Variants in IFT46 observed in about 807,000 individuals in gnomAD.
IFT46 encodes intraflagellar transport 46.
IFT46 carries 19 observed loss-of-function variants against 39.6 expected under a neutral mutation model. The ratio of observed to expected loss-of-function variants is 0.48; its 90% CI spans 0.33 to 0.70. The LOEUF (loss-of-function observed/expected upper bound fraction) is 0.70. Ranked by LOEUF, IFT46 falls within the 30% of genes least tolerant of loss-of-function variation. IFT46 has a pLI of 0.01. For missense variants in IFT46, 334 were observed against 364.8 expected (o/e 0.92, Z 0.69); for synonymous variants, 117 against 134.8 (o/e 0.87, Z 0.91).
At chr11:118,574,997 C>T (rs554691162), upstream of IFT46, among the ~76,000 whole-genome samples, 36 of 151,934 alleles carry the variant, frequency 2.4e-4, no homozygotes, top group African/African-American at 8.2e-4. Flanking sequence ...GTTTGGTTTT[C>T]GAGACGGATT....
rs781838600 is a variant in IFT46 at position 118,545,472 on chromosome 11, G to A, written c.756C>T (p.Tyr252=). The change falls in exon 11 of 12, where the codon TAC becomes TAT. Residue 252 remains tyrosine (Y), a synonymous_variant. Transcript: ENST00000264021. ...GATGGAGGGACTGGATCCGACTCTT[G>A]TAGACAGGGATGTCTAGAATGGCTG... The part of the protein sequence containing the change: ...MICAILDIPV[Y]KSRIQSLHLL... 5 of 1,613,346 alleles carry A rather than the reference G, an allele frequency of 3.1e-6. No homozygotes were observed. In the East Asian group the frequency reaches 6.7e-5, roughly 22 times the overall value.
At chr11:118,566,960 C>T (rs1162501498), upstream of IFT46, among the ~76,000 whole-genome samples, 2 of 151,994 alleles carry the variant, frequency 1.3e-5, no homozygotes, top group East Asian at 1.9e-4. Flanking sequence ...AGGCCAGGTG[C>T]GGTGGCTCAC....
Position 118,555,233 on chromosome 11 carries a change from G to A in IFT46, c.260+15C>T. The A allele has an allele frequency of 6.2e-7, 1 of 1,605,164 alleles. No homozygotes were observed. The highest frequency in any genetic ancestry group is 1.3e-5 in the African/African-American group (1 of 74,880). ...GTAGGGATAGTGGGGTATGGTGGGAGGTCCTAGTACTCACCTACTGATGTA... is the reference window on the plus strand; with the variant it reads ...GTAGGGATAGTGGGGTATGGTGGGAAGTCCTAGTACTCACCTACTGATGTA... On this transcript the variant is annotated intron_variant, in intron 5 of 11. Coordinates refer to ENST00000264021, the MANE Select transcript of IFT46 (RefSeq NM_001168618.2).
rs535408373 is a variant in IFT46 at position 118,544,742 on chromosome 11, G to A, written c.*174C>T. ...GGGGACAGCAATCTGAGGCAGGCAG[G>A]TTCATTAAACAAACATGTTCTGTGC... is the stretch of plus-strand genomic sequence containing the variant. On this transcript the variant is annotated 3_prime_UTR_variant, in exon 12 of 12. Transcript: ENST00000264021. 1.7e-6 allele frequency: 1 copy of A among 592,050 alleles called. No individual in the cohort carries two copies. The highest frequency in any genetic ancestry group is 1.9e-5 in the African/African-American group (1 of 53,628). The allele number at this position is 592,050 out of a possible 1,614,324, so 36.7% of individuals were successfully genotyped here.
upstream of IFT46, among the ~76,000 whole-genome samples, chr11:118,575,385 G>T (rs1364812577): frequency 2.0e-5 from 3 of 151,400 alleles, no homozygotes; most frequent in African/African-American, 4.9e-5. Flanking sequence ...TCTTCATATA[G>T]AAGTTCACTG....
At chr11:118,549,179 A>G (rs1342104279) in intron 9 of IFT46, among the ~76,000 whole-genome samples, 3 of 150,166 alleles carry the variant, frequency 2.0e-5, no homozygotes, top group Non-Finnish European at 4.4e-5. Flanking sequence ...GATTATAGGT[A>G]TGAGCCACCA....
upstream of IFT46, among the ~76,000 whole-genome samples, chr11:118,567,059 C>T (rs1319039731): frequency 2.0e-5 from 3 of 151,856 alleles, no homozygotes; most frequent in Admixed American, 2.0e-4. Flanking sequence ...ATAGCAAGAA[C>T]CGCCCCCCTC....
chr11:118,576,318 G>A (rs76232181), upstream of IFT46, among the ~76,000 whole-genome samples: 86 of 142,376 alleles, frequency 6.0e-4, 1 homozygote, highest in East Asian at 0.016. Flanking sequence ...TTTTTTAACC[G>A]TCCTGGAGAG....
chr11:118,556,326 T>C (rs111505835), intron 4 of IFT46, among the ~76,000 whole-genome samples: 1,705 of 152,022 alleles, frequency 0.011, 30 homozygotes, highest in African/African-American at 0.038. Flanking sequence ...CTCGTCTCTA[T>C]TAAAAATACA....
In IFT46 at chr11:118,545,846, AGGCTTACCTGGAAGG is replaced by A; in HGVS notation, c.673-8_679del. 2 of 1,614,186 alleles carry A rather than the reference AGGCTTACCTGGAAGG, an allele frequency of 1.2e-6. No homozygotes were observed. The highest frequency in any genetic ancestry group is 2.7e-5 in the African/African-American group (2 of 75,070). On this transcript the variant is annotated splice_acceptor_variant and splice_polypyrimidine_tract_variant and coding_sequence_variant and intron_variant, in exon 10 of 12. Coordinates refer to ENST00000264021, the MANE Select transcript of IFT46 (RefSeq NM_001168618.2). LOFTEE classifies it high-confidence loss of function. ...GCTGCAATCAATCTCTGCCGTGGGC[AGGCTTACCTGGAAGG>A]GGCATGGAAGGACCAAAGTCAAAAG...
chr11:118,545,047 G>A (rs1555066718), intron 11 of IFT46, 36 bp from the exon 12 acceptor site: 1 of 1,362,714 alleles, frequency 7.3e-7, no homozygotes, highest in African/African-American at 1.4e-5. Flanking sequence ...TGAGTATTAG[G>A]GATATGCTAA....
upstream of IFT46, among the ~76,000 whole-genome samples, chr11:118,574,870 A>G (rs73023341): frequency 0.16 from 25,071 of 152,160 alleles, 2,637 homozygotes; most frequent in East Asian, 0.53. Context: ...AGCCTCAAGC[A>G]ATCCTCCCGC....
At chr11:118,553,031 C>G (rs1472979774) in intron 7 of IFT46, among the ~76,000 whole-genome samples, 1 of 151,408 alleles carries the variant, frequency 6.6e-6, no homozygotes, top group East Asian at 1.9e-4. Flanking sequence ...ACAGTGAGCC[C>G]CAATCACACC....
At chr11:118,545,739 G>C in intron 10 of IFT46, 54 bp downstream of exon 10, 4 of 1,554,816 alleles carry the variant, frequency 2.6e-6, no homozygotes, top group Non-Finnish European at 3.6e-6. Flanking sequence ...CTGTCCAAAA[G>C]CCTAGAGTGT....
chr11:118,572,933 T>G (rs1938384416), exon 1 of IFT46: 2 of 255,966 alleles, frequency 7.8e-6, no homozygotes, highest in Admixed American at 5.4e-5. Flanking sequence ...CTCAGCAGGC[T>G]GGGCCTGTCT....
upstream of IFT46, among the ~76,000 whole-genome samples, chr11:118,576,567 C>A (rs1009548128): frequency 6.6e-6 from 1 of 151,334 alleles, no homozygotes; most frequent in African/African-American, 2.4e-5. Context: ...AATTGTTAAA[C>A]CAGTAAACAT....
At chr11:118,573,879 C>G (rs1237809497), upstream of IFT46, 1 of 494,534 alleles carries the variant, frequency 2.0e-6, no homozygotes, top group Non-Finnish European at 3.6e-6. Flanking sequence ...CCAGGAGGTT[C>G]TGTATTTGGT....
chr11:118,547,735 TTTTC>T (rs1173361031), intron 9 of IFT46, among the ~76,000 whole-genome samples: 5 of 142,518 alleles, frequency 3.5e-5, no homozygotes, highest in Admixed American at 6.9e-5. Context: ...TTTACTTTTC[TTTTC>T]TTTTCTTTTT....
chr11:118,546,321 A>G, intron 9 of IFT46: 1 of 594,210 alleles, frequency 1.7e-6, no homozygotes, highest in Non-Finnish European at 3.1e-6. Context: ...AACATGGTGA[A>G]ATTCCATCTC....
Sources: gnomAD v4.1 joint callset for allele counts (sites outside exome capture counted in the v4.1 genomes callset) on GRCh38, gnomAD v4.1.1 for gene constraint, MANE v1.5 for transcripts, NCBI Gene and HGNC (gene_info 2026-07-23, HGNC 2026-07-21) for gene names.